Variants in NRSN1 observed in about 807,000 individuals in gnomAD.
NRSN1 encodes the protein neurensin-1.
A neutral mutation model predicts 17.3 loss-of-function variants in NRSN1; 14 were observed. The observed-to-expected ratio is 0.81, with a 90% confidence interval of 0.54 to 1.27. NRSN1 has a LOEUF of 1.27. NRSN1 is among the 50% of genes most tolerant of loss of function. The pLI is 0.00. For synonymous variants in NRSN1, 79 were observed against 94.2 expected (o/e 0.84, Z 0.93); for missense variants, 209 against 235.9 (o/e 0.89, Z 0.75).
At chr6:24,134,555 A>T in intron 3 of NRSN1, 39 bp downstream of exon 3, 1 of 1,545,696 alleles carries the variant, frequency 6.5e-7, no homozygotes, top group Non-Finnish European at 8.9e-7. Context: ...GGAATGGAAA[A>T]ATTATTGGAC....
chr6:24,142,169 A>C (rs1760217056), intron 3 of NRSN1, among the ~76,000 whole-genome samples: 2 of 122,352 alleles, frequency 1.6e-5, no homozygotes, highest in African/African-American at 2.9e-5. Flanking sequence ...TTCCCGTAGC[A>C]CTTATGTCTT....
At chr6:24,136,800 T>A (rs12190504) in intron 3 of NRSN1, among the ~76,000 whole-genome samples, 5,271 of 152,304 alleles carry the variant, frequency 0.035, 107 homozygotes, top group Middle Eastern at 0.095. Flanking sequence ...AATATTTATT[T>A]ACTGCTGTGC....
At chr6:24,133,069 A>G (rs1293915690) in intron 2 of NRSN1, among the ~76,000 whole-genome samples, 2 of 150,466 alleles carry the variant, frequency 1.3e-5, no homozygotes, top group African/African-American at 4.8e-5. Context: ...ATGATTAGTA[A>G]CAAAATCCAT....
At chr6:24,142,234 T>C (rs1352326689) in intron 3 of NRSN1, among the ~76,000 whole-genome samples, 1 of 128,968 alleles carries the variant, frequency 7.8e-6, no homozygotes, top group African/African-American at 2.8e-5. Flanking sequence ...TCCTATTGAC[T>C]CTTTTTCAGT....
intron 3 of NRSN1, among the ~76,000 whole-genome samples, chr6:24,141,725 G>T (rs1760206957): frequency 6.6e-6 from 1 of 152,342 alleles, no homozygotes; most frequent in African/African-American, 2.4e-5. Context: ...TTCATCGAAA[G>T]CACTGCTCAG....
Position 24,140,996 on chromosome 6 carries a change from C to T in NRSN1, c.190-4552C>T, listed in dbSNP as rs1310300309. 7.5e-6 allele frequency: 11 copies of T among 1,457,702 alleles called. No homozygotes were observed. The East Asian group carries it at 2.2e-4, about 29-fold the overall frequency. 90.3% of individuals were successfully genotyped at this position (1,457,702 alleles called of 1,614,324 possible). On this transcript the variant is annotated intron_variant, in intron 3 of 3. Transcript: ENST00000378491. ...GAAGTTACAGCACAAAAACTGTCCT[C>T]GCTGCTGTTTCGGGAGTTTGTCACC... is the stretch of plus-strand genomic sequence containing the variant.
rs1760305597 is a variant in NRSN1 at position 24,146,344 on chromosome 6, C to G, written c.*398C>G. ...TTTATCTAATGTTTTCTGCGTGGTG[C>G]TGTCTTCCATTCCTGTCTCACTATG... On this transcript the variant is annotated 3_prime_UTR_variant, in exon 4 of 4. Transcript: ENST00000378491. 1 of 475,548 alleles carries G rather than the reference C, an allele frequency of 2.1e-6. No homozygotes were observed. Among genetic ancestry groups the G allele is most frequent in the Non-Finnish European group, 4.3e-6 (1 of 230,972 alleles). The allele number at this position is 475,548 out of a possible 1,614,324, so 29.5% of individuals were successfully genotyped here.
At chr6:24,129,500 T>C (rs1394228665) in intron 2 of NRSN1, 1 of 152,206 alleles carries the variant, frequency 6.6e-6, no homozygotes, top group African/African-American at 2.4e-5. Context: ...ATATGGTCTA[T>C]CAGACCATAA....
chr6:24,136,125 CT>C, intron 3 of NRSN1, among the ~76,000 whole-genome samples: 1 of 152,120 alleles, frequency 6.6e-6, no homozygotes, highest in East Asian at 1.9e-4. Context: ...TATGGGGCCT[CT>C]AATGGTGATA....
intron 2 of NRSN1, 104 bp from the exon 3 acceptor site, chr6:24,134,215 T>A (rs1760083415): frequency 1.1e-6 from 1 of 884,086 alleles, no homozygotes; most frequent in African/African-American, 1.7e-5. Context: ...AGAGCATTGT[T>A]CAACTAGGCA....
At chr6:24,141,504 G>A in intron 3 of NRSN1, 1 of 163,184 alleles carries the variant, frequency 6.1e-6, no homozygotes, top group Non-Finnish European at 1.3e-5. Flanking sequence ...GGCATTAACA[G>A]CCCCTTCAGA....
chr6:24,128,325 T>TA (rs1264586213), intron 2 of NRSN1, 125 bp downstream of exon 2: 1 of 152,214 alleles, frequency 6.6e-6, no homozygotes, highest in Non-Finnish European at 1.5e-5. Flanking sequence ...TGTACCTTTC[T>TA]AAAAAATGAA....
In NRSN1 at chr6:24,146,267, T is replaced by C. The variant is rs1760304281; in HGVS notation, c.*321T>C. 3.5e-6 allele frequency: 2 copies of C among 578,756 alleles called. No homozygotes were observed. Among genetic ancestry groups the C allele is most frequent in the Non-Finnish European group, 6.7e-6 (2 of 297,562 alleles). 35.9% of individuals were successfully genotyped at this position (578,756 alleles called of 1,614,324 possible). A position where few individuals can be genotyped will look rare whatever the true frequency, so the allele number is the denominator to read the frequency against. On this transcript the variant is annotated 3_prime_UTR_variant, in exon 4 of 4. Transcript: ENST00000378491. The stretch of plus-strand genomic sequence containing the variant: ...GTGTTGTTTGAAAGTGCCGAACAGT[T>C]TAGACCAGCTCACCAATGGCTAATG...
chr6:24,145,695 G>A lies in NRSN1; in HGVS notation c.337G>A (p.Asp113Asn). Residue 113 changes from aspartate to asparagine, a missense_variant, in exon 4 of 4, where the codon GAC (aspartate) becomes AAC (asparagine). By Grantham distance (23) the Asp-to-Asn change is conservative. Transcript: ENST00000378491. This position sits in a 1 kb window ranked among gnomAD's most constrained non-coding sequence, Gnocchi z 4.4. ...THAVQFNSALDMYKLAGAVLF... is the reference protein window; with the variant it reads ...THAVQFNSALNMYKLAGAVLF... ...TGCTGTCCAGTTTAACAGTGCTCTG[G>A]ACATGTACAAGCTGGCAGGAGCTGT... 1 of 1,614,186 alleles carries A rather than the reference G, an allele frequency of 6.2e-7. No homozygotes were observed. Among genetic ancestry groups the A allele is most frequent in the Non-Finnish European group, 8.5e-7 (1 of 1,180,028 alleles).
intron 2 of NRSN1, among the ~76,000 whole-genome samples, 151 bp downstream of exon 2, chr6:24,128,351 GT>G (rs1000808923): frequency 2.6e-4 from 40 of 152,218 alleles, no homozygotes; most frequent in African/African-American, 8.9e-4. Flanking sequence ...AAGAATTAAA[GT>G]AAATGATAAC....
At chr6:24,142,577 A>C (rs1760227429) in intron 3 of NRSN1, among the ~76,000 whole-genome samples, 1 of 152,116 alleles carries the variant, frequency 6.6e-6, no homozygotes, top group South Asian at 2.1e-4. Context: ...CTCCTGCCTC[A>C]GACTCCCAAG....
chr6:24,146,122 T>A lies in NRSN1; in HGVS notation c.*176T>A. ...TTCAGGCAGCTCTGCTGGAGGGCGG[T>A]GCCATGCCTAAGCCTGTGCACATGC... On this transcript the variant is annotated 3_prime_UTR_variant, in exon 4 of 4. Coordinates refer to ENST00000378491, the MANE Select transcript of NRSN1 (RefSeq NM_080723.5). The A allele has an allele frequency of 1.3e-6, 1 of 749,014 alleles. No homozygotes were observed. Among genetic ancestry groups the A allele is most frequent in the Non-Finnish European group, 2.4e-6 (1 of 413,024 alleles). The allele number at this position is 749,014 out of a possible 1,614,324, so 46.4% of individuals were successfully genotyped here.
At position 24,145,961 on chromosome 6, in the gene NRSN1, C is replaced by T. The variant is rs1476930845; in HGVS notation, c.*15C>T. 16 of 1,588,212 alleles carry T rather than the reference C, an allele frequency of 1.0e-5. No individual in the cohort carries two copies. In the Admixed American group the frequency reaches 1.5e-4, roughly 15 times the overall value. On this transcript the variant is annotated 3_prime_UTR_variant, in exon 4 of 4. Transcript: ENST00000378491. The surrounding 1 kb of genome is among the most constrained non-coding windows in gnomAD (Gnocchi z 4.4). ...TGGCAACCTGAAACCTTTCCCACCC[C>T]AGTTCTTCTTGTCTGATTTATGCCC...
At chr6:24,140,134 T>G (rs1760179371) in intron 3 of NRSN1, among the ~76,000 whole-genome samples, 1 of 152,124 alleles carries the variant, frequency 6.6e-6, no homozygotes, top group South Asian at 2.1e-4. Flanking sequence ...TAAATTAGAT[T>G]TGACATTAGA....
Sources: gnomAD v4.1 joint callset for allele counts (sites outside exome capture counted in the v4.1 genomes callset) on GRCh38, gnomAD v4.1.1 for gene constraint, Gnocchi (gnomAD v3.1) non-coding constraint, MANE v1.5 for transcripts, NCBI Gene and HGNC (gene_info 2026-07-23, HGNC 2026-07-21) for gene names.